The following ING5 variants were observed in gnomAD, a reference collection of about 807,000 sequenced individuals.
The protein encoded by ING5 is inhibitor of growth family member 5, also known as inhibitor of growth protein 5.
ING5 carries 17 observed loss-of-function variants against 37.4 expected under a neutral mutation model. That is an observed-to-expected ratio of 0.45 (90% confidence interval 0.31 to 0.68). The LOEUF is 0.68. ING5 is among the 30% of genes least tolerant of loss of function. The probability of loss-of-function intolerance (pLI) is 0.05; values close to 1 mark genes in which losing one functional copy is unlikely to be tolerated. For missense variants in ING5, 233 were observed against 311.9 expected (o/e 0.75, Z 1.91); for synonymous variants, 123 against 116.6 (o/e 1.06, Z -0.36).
chr2:241,728,583 C>A lies in ING5; in HGVS notation c.*3552C>A, dbSNP rs1365890455. 6.6e-6 allele frequency: 1 copy of A among 152,646 alleles called. No individual in the cohort carries two copies. Among genetic ancestry groups the A allele is most frequent in the Non-Finnish European group, 1.5e-5 (1 of 68,068 alleles). 9.5% of individuals were successfully genotyped at this position (152,646 alleles called of 1,614,324 possible). A position where few individuals can be genotyped will look rare whatever the true frequency, so the allele number is the denominator to read the frequency against. ...AAAACAGGAGCTGGTGAAACCGAGC[C>A]CTCTGCATCTGCGAATGTGCCCTAG... is the stretch of plus-strand genomic sequence containing the variant. On this transcript the variant is annotated 3_prime_UTR_variant, in exon 8 of 8. Coordinates refer to ENST00000313552, the MANE Select transcript of ING5 (RefSeq NM_032329.6).
chr2:241,714,283 G>T (rs1450926603), intron 5 of ING5, among the ~76,000 whole-genome samples: 1 of 152,054 alleles, frequency 6.6e-6, no homozygotes, highest in Admixed American at 6.6e-5. Flanking sequence ...TAGTCCTGTT[G>T]TTTTTCTAAC....
At chr2:241,700,282 G>T (rs1165888917), upstream of ING5, among the ~76,000 whole-genome samples, 9 of 149,772 alleles carry the variant, frequency 6.0e-5, no homozygotes, top group African/African-American at 1.5e-4. Context: ...TCGGCCGCCC[G>T]AGTAGCTGGG....
chr2:241,709,547 C>G (rs1038046617), intron 3 of ING5, among the ~76,000 whole-genome samples, 165 bp downstream of exon 3: 10 of 140,300 alleles, frequency 7.1e-5, no homozygotes, highest in African/African-American at 2.4e-4. Flanking sequence ...TCATGTAGGA[C>G]CATCCCTGTT....
In ING5 at chr2:241,726,918, C is replaced by G. The variant is rs945779323; in HGVS notation, c.*1887C>G. 6.6e-6 allele frequency: 1 copy of G among 152,302 alleles called. No individual in the cohort carries two copies. Among genetic ancestry groups the G allele is most frequent in the African/African-American group, 2.4e-5 (1 of 41,436 alleles). 9.4% of individuals were successfully genotyped at this position (152,302 alleles called of 1,614,324 possible). On this transcript the variant is annotated 3_prime_UTR_variant, in exon 8 of 8. Transcript: ENST00000313552. Reference sequence around the variant, plus strand: ...CACGCCATTCTCCTGCCTCAGCCCCCCCGAGTAGCTGGGACTACAGGCGCC... The same window carrying G: ...CACGCCATTCTCCTGCCTCAGCCCCGCCGAGTAGCTGGGACTACAGGCGCC...
At chr2:241,721,100 C>T (rs1482044799) in intron 5 of ING5, 2 of 985,590 alleles carry the variant, frequency 2.0e-6, no homozygotes, top group African/African-American at 1.7e-5. Flanking sequence ...AAGAGGAGGG[C>T]GTCAGCGTTT....
intron 1 of ING5, among the ~76,000 whole-genome samples, chr2:241,704,053 AG>A (rs948687408): frequency 6.6e-5 from 10 of 152,130 alleles, no homozygotes; most frequent in Non-Finnish European, 1.0e-4. Flanking sequence ...CTGCTCACTG[AG>A]GGGGGGCAGC....
rs372595806 is a variant in ING5 at position 241,722,926 on chromosome 2, C to T, written c.483-13C>T. ...CATGGCCTTCAGTGGTGCCTGTGCC[C>T]TGTCCCCTGCAGGTCTGAGTTCACT... On this transcript the variant is annotated splice_polypyrimidine_tract_variant and intron_variant, in intron 5 of 7. Transcript: ENST00000313552. 1.9e-6 allele frequency: 3 copies of T among 1,613,470 alleles called. No individual in the cohort carries two copies. Among genetic ancestry groups the T allele is most frequent in the Non-Finnish European group, 2.5e-6 (3 of 1,180,040 alleles).
At position 241,717,692 on chromosome 2, in the gene ING5, GTTTCT is replaced by G. The variant is rs1420712713; in HGVS notation, c.483-5243_483-5239del. 3.6e-5 allele frequency among the ~76,000 whole-genome samples: 5 copies of G among 140,202 alleles called. No homozygotes were observed. In the East Asian group the frequency reaches 1.0e-3, roughly 28 times the overall value. 92.0% of individuals were successfully genotyped at this position (140,202 alleles called of 152,430 possible). ...TTACTGATAATAATTATTTTTGGTGGTTTCTTTTTTTTTTTTTGCTTTTAAGATTT... is the reference window on the plus strand; with the variant it reads ...TTACTGATAATAATTATTTTTGGTGGTTTTTTTTTTTTGCTTTTAAGATTT... On this transcript the variant is annotated intron_variant, in intron 5 of 7. Transcript: ENST00000313552.
intron 2 of ING5, among the ~76,000 whole-genome samples, chr2:241,693,553 C>A (rs2069588842): frequency 6.6e-6 from 1 of 151,508 alleles, no homozygotes; most frequent in Non-Finnish European, 1.5e-5. Flanking sequence ...CCTTTGTGGA[C>A]AGACACCATA....
intron 5 of ING5, chr2:241,721,395 G>A (rs2070431880): frequency 2.0e-6 from 2 of 985,382 alleles, no homozygotes; most frequent in African/African-American, 3.5e-5. Flanking sequence ...GAGAGAAAGA[G>A]CAGAAGAGCA....
rs765684744 is a variant in ING5, at chr2:241,712,011, G to T, written c.422G>T (p.Arg141Leu). ...GGTCAGAAAGAAAAAAGAGGGTCCC[G>T]GGGCCGAGGCAGGAGGACATCAGAG... Reference protein sequence around the residue: ...GRGQKEKRGSRGRGRRTSEED... With the variant: ...GRGQKEKRGSLGRGRRTSEED... Residue 141 changes from arginine (R) to leucine (L), a missense_variant, in exon 5 of 8, where the codon CGG becomes CTG. Physicochemically the swap from Arg to Leu is moderately radical, Grantham distance 102. Transcript: ENST00000313552. 1 of 1,612,202 alleles carries T rather than the reference G, an allele frequency of 6.2e-7. No individual in the cohort carries two copies. Among genetic ancestry groups the T allele is most frequent in the Non-Finnish European group, 8.5e-7 (1 of 1,179,206 alleles).
At chr2:241,709,562 T>TTG (rs558439924) in intron 3 of ING5, among the ~76,000 whole-genome samples, 180 bp downstream of exon 3, 5,554 of 150,744 alleles carry the variant, frequency 0.037, 461 homozygotes, top group East Asian at 0.3. Flanking sequence ...CCTGTTTTTT[T>TTG]TTTTTTTTTT....
chr2:241,704,857 G>A, intron 2 of ING5, 133 bp downstream of exon 2: 1 of 712,590 alleles, frequency 1.4e-6, no homozygotes, highest in Non-Finnish European at 2.5e-6. Context: ...TGGGCCGTGG[G>A]TATCACTCAG....
chr2:241,708,896 C>G (rs1015187816), intron 2 of ING5, among the ~76,000 whole-genome samples: 2 of 152,158 alleles, frequency 1.3e-5, no homozygotes, highest in African/African-American at 4.8e-5. Context: ...GAGTAGTATG[C>G]CAGGTCATAG....
chr2:241,694,365 C>T (rs34600110), intron 2 of ING5: 14,840 of 151,584 alleles, frequency 0.098, 727 homozygotes, highest in South Asian at 0.13. Flanking sequence ...ATGGCATGAA[C>T]CTGGGAGGCA....
At chr2:241,714,752 C>A (rs1261958895) in intron 5 of ING5, among the ~76,000 whole-genome samples, 1 of 151,872 alleles carries the variant, frequency 6.6e-6, no homozygotes, top group African/African-American at 2.4e-5. Context: ...CACAGACATG[C>A]GCCACTATGC....
intron 2 of ING5, among the ~76,000 whole-genome samples, chr2:241,692,626 C>G: frequency 6.6e-6 from 1 of 152,100 alleles, no homozygotes; most frequent in East Asian, 1.9e-4. Flanking sequence ...GCCCTGCATA[C>G]CAGTGAAAGT....
At chr2:241,690,778 G>A (rs929541155) in intron 2 of ING5, 6 of 395,212 alleles carry the variant, frequency 1.5e-5, no homozygotes, top group African/African-American at 4.1e-5. Flanking sequence ...ACATGGGTTC[G>A]TGGGTTCATT....
intron 7 of ING5, among the ~76,000 whole-genome samples, chr2:241,723,564 G>T (rs1691478892): frequency 6.6e-6 from 1 of 152,186 alleles, no homozygotes; most frequent in African/African-American, 2.4e-5. Context: ...CCCTCCTGAA[G>T]GACAACCTTC....
Sources: gnomAD v4.1 joint callset for allele counts (sites outside exome capture counted in the v4.1 genomes callset) on GRCh38, gnomAD v4.1.1 for gene constraint, MANE v1.5 for transcripts, NCBI Gene and HGNC (gene_info 2026-07-23, HGNC 2026-07-21) for gene names.